ZNF93: variants seen among roughly 807,000 people sequenced by gnomAD.
ZNF93 encodes the protein zinc finger protein 93, also known as zinc finger protein 505.
ZNF93 carries 29 observed loss-of-function variants against 45.0 expected under a neutral mutation model. The ratio of observed to expected loss-of-function variants is 0.64; its 90% CI spans 0.48 to 0.88. The LOEUF is 0.88. Ranked by LOEUF, ZNF93 falls within the 40% of genes least tolerant of loss-of-function variation. The probability of loss-of-function intolerance (pLI) is 0.00; values close to 1 mark genes in which losing one functional copy is unlikely to be tolerated. For synonymous variants in ZNF93, 223 were observed against 244.6 expected (o/e 0.91, Z 0.82); for missense variants, 578 against 724.0 (o/e 0.80, Z 2.31).
intron 1 of ZNF93, among the ~76,000 whole-genome samples, chr19:19,906,069 T>A (rs771997883): frequency 3.9e-5 from 6 of 152,206 alleles, no homozygotes; most frequent in Non-Finnish European, 7.3e-5. Context: ...CTGGGTCAAA[T>A]GATAATTCTG....
In ZNF93 at chr19:19,933,903, A is replaced by G. The variant is rs959717782; in HGVS notation, c.948A>G (p.Glu316=). 1.1e-5 allele frequency: 18 copies of G among 1,613,270 alleles called. No homozygotes were observed. Among genetic ancestry groups the G allele is most frequent in the Non-Finnish European group, 1.4e-5 (17 of 1,179,798 alleles). The change falls in exon 4 of 4, where the codon GAA becomes GAG. Residue 316 remains glutamate (E), a synonymous_variant. Coordinates refer to ENST00000343769, the MANE Select transcript of ZNF93 (RefSeq NM_031218.4). The part of the protein sequence containing the change: ...IHTGEKPYVC[E]ECGKAFKYSR... ...CTGGAGAGAAGCCCTACGTTTGTGA[A>G]GAATGTGGCAAAGCCTTTAAGTACT...
At chr19:19,917,308 A>G (rs1286501238) in intron 3 of ZNF93, among the ~76,000 whole-genome samples, 1 of 150,126 alleles carries the variant, frequency 6.7e-6, no homozygotes, top group African/African-American at 2.5e-5. Context: ...ATTACTTTGG[A>G]TAATATGACA....
chr19:19,926,976 A>G (rs1006534434), intron 3 of ZNF93: 1 of 392,864 alleles, frequency 2.5e-6, no homozygotes, highest in African/African-American at 2.1e-5. Flanking sequence ...TGAAAGAAAC[A>G]CTTTTGTGAT....
chr19:19,924,352 A>G (rs1313239711), intron 3 of ZNF93, among the ~76,000 whole-genome samples: 1 of 151,962 alleles, frequency 6.6e-6, no homozygotes, highest in Non-Finnish European at 1.5e-5. Context: ...CTGCCTCCCA[A>G]AGTGCTGGGA....
chr19:19,934,936 C>A lies in ZNF93; in HGVS notation c.*118C>A. 8.5e-7 allele frequency: 1 copy of A among 1,172,588 alleles called. No homozygotes were observed. The highest frequency in any genetic ancestry group is 1.2e-6 in the Non-Finnish European group (1 of 850,044). The allele number at this position is 1,172,588 out of a possible 1,614,324, so 72.6% of individuals were successfully genotyped here. The stretch of plus-strand genomic sequence containing the variant: ...CTCCCAGGCACAGTCTGGCAGAGGT[C>A]CTGCCATTTCGGAGACCTGGAGGAA... On this transcript the variant is annotated 3_prime_UTR_variant, in exon 4 of 4. Coordinates refer to ENST00000343769, the MANE Select transcript of ZNF93 (RefSeq NM_031218.4).
intron 3 of ZNF93, among the ~76,000 whole-genome samples, chr19:19,923,181 G>A (rs937288899): frequency 6.6e-6 from 1 of 152,202 alleles, no homozygotes; most frequent in Admixed American, 6.5e-5. Context: ...AGGTCCGTTG[G>A]AGTTTGCTGG....
In ZNF93 at chr19:19,933,473, T is replaced by C. The variant is rs932074506; in HGVS notation, c.518T>C (p.Phe173Ser). 2 of 1,604,496 alleles carry C rather than the reference T, an allele frequency of 1.2e-6. No homozygotes were observed. The highest frequency in any genetic ancestry group is 1.7e-6 in the Non-Finnish European group (2 of 1,177,268). Residue 173 changes from phenylalanine to serine, a missense_variant, in exon 4 of 4, where the codon TTC becomes TCC. This residue lies in a region of ZNF93 where 446 missense variants were observed against 547.6 expected (regional missense o/e 0.81). Transcript: ENST00000343769. Reference sequence around the variant, plus strand: ...ATAAGACATACTGAAAAAAAACCTTTCAAATGCATAGAATGTGGCAAAGCT... The same window carrying C: ...ATAAGACATACTGAAAAAAAACCTTCCAAATGCATAGAATGTGGCAAAGCT... Reference protein sequence around the residue: ...HNIRHTEKKPFKCIECGKAFN... With the variant: ...HNIRHTEKKPSKCIECGKAFN...
At chr19:19,913,012 G>T (rs1362394451) in intron 1 of ZNF93, among the ~76,000 whole-genome samples, 1 of 152,178 alleles carries the variant, frequency 6.6e-6, no homozygotes, top group Non-Finnish European at 1.5e-5. Context: ...AAATGGAATG[G>T]GCTGTCCTTA....
chr19:19,921,870 A>G (rs1438953869), intron 3 of ZNF93, among the ~76,000 whole-genome samples: 1 of 152,080 alleles, frequency 6.6e-6, no homozygotes, highest in Non-Finnish European at 1.5e-5. Context: ...TGAATATAGC[A>G]CACTGATGGG....
chr19:19,922,577 A>G (rs1414280849), intron 3 of ZNF93, among the ~76,000 whole-genome samples: 3 of 152,130 alleles, frequency 2.0e-5, no homozygotes, highest in Non-Finnish European at 4.4e-5. Context: ...AGGTACACTA[A>G]TCAGATGTAG....
intron 1 of ZNF93, among the ~76,000 whole-genome samples, chr19:19,910,624 A>G (rs757374096): frequency 3.4e-5 from 5 of 148,842 alleles, no homozygotes; most frequent in Non-Finnish European, 7.4e-5. Context: ...CAAGTAAACT[A>G]TCTACTTATA....
intron 3 of ZNF93, among the ~76,000 whole-genome samples, chr19:19,917,707 G>A (rs1296234081): frequency 6.6e-6 from 1 of 151,938 alleles, no homozygotes; most frequent in Non-Finnish European, 1.5e-5. Flanking sequence ...GTAGAGATGG[G>A]GTTTCACCAT....
At position 19,900,961 on chromosome 19, in the gene ZNF93, C is replaced by T. The variant is rs189598629; in HGVS notation, c.-128C>T. The T allele has an allele frequency of 9.6e-4, 1,431 of 1,483,996 alleles. 16 individuals are homozygous for T. In the Admixed American group the frequency reaches 0.019, roughly 20 times the overall value. The allele number at this position is 1,483,996 out of a possible 1,614,324, so 91.9% of individuals were successfully genotyped here. A position where few individuals can be genotyped will look rare whatever the true frequency, so the allele number is the denominator to read the frequency against. ...CGGGTCCTTTGTCTCTCGGTGCAGCCGGAGCTCCAGGTCTCCTCTTCACTA... is the reference window on the plus strand; with the variant it reads ...CGGGTCCTTTGTCTCTCGGTGCAGCTGGAGCTCCAGGTCTCCTCTTCACTA... On this transcript the variant is annotated 5_prime_UTR_variant, in exon 1 of 4. Coordinates refer to ENST00000343769, the MANE Select transcript of ZNF93 (RefSeq NM_031218.4).
In ZNF93 at chr19:19,916,487, T is replaced by C. The variant is rs1599569007; in HGVS notation, c.131-73T>C. 4.2e-6 allele frequency: 5 copies of C among 1,202,588 alleles called. No individual in the cohort carries two copies. The East Asian group carries it at 1.2e-4, about 29-fold the overall frequency. 74.5% of individuals were successfully genotyped at this position (1,202,588 alleles called of 1,614,324 possible). A position where few individuals can be genotyped will look rare whatever the true frequency, so the allele number is the denominator to read the frequency against. On this transcript the variant is annotated intron_variant, in intron 2 of 3. Transcript: ENST00000343769. ...ACTAGAATATTTTATCACATCGTCT[T>C]TGCTGAGCACATTACTAGCTTGTAA...
intron 2 of ZNF93, among the ~76,000 whole-genome samples, chr19:19,916,204 C>T (rs2063323087): frequency 6.6e-6 from 1 of 151,790 alleles, no homozygotes; most frequent in Admixed American, 6.6e-5. Context: ...GTAGCTGGGA[C>T]TACAGGCATG....
intron 1 of ZNF93, among the ~76,000 whole-genome samples, chr19:19,902,665 T>C (rs2063277370): frequency 6.6e-6 from 1 of 151,320 alleles, no homozygotes; most frequent in African/African-American, 2.4e-5. Context: ...TGAGAGAAGG[T>C]ACAGAGCCCC....
chr19:19,922,087 G>A (rs2063343868), intron 3 of ZNF93, among the ~76,000 whole-genome samples: 1 of 152,182 alleles, frequency 6.6e-6, no homozygotes, highest in Admixed American at 6.5e-5. Flanking sequence ...GGTACCAGTT[G>A]TTCCTTTCCA....
intron 3 of ZNF93, among the ~76,000 whole-genome samples, chr19:19,926,700 TTAAG>T (rs1224990340): frequency 6.6e-6 from 1 of 152,106 alleles, no homozygotes; most frequent in Non-Finnish European, 1.5e-5. Context: ...TTGATTTTAC[TTAAG>T]TATTATAATT....
At chr19:19,925,813 C>G (rs967802970) in intron 3 of ZNF93, among the ~76,000 whole-genome samples, 1 of 151,954 alleles carries the variant, frequency 6.6e-6, no homozygotes, top group Non-Finnish European at 1.5e-5. Flanking sequence ...TATGTATTTT[C>G]TTTATTTAAA....
Sources: gnomAD v4.1 joint callset for allele counts (sites outside exome capture counted in the v4.1 genomes callset) on GRCh38, gnomAD v4.1.1 for gene constraint, gnomAD v4.1.1 regional missense constraint, MANE v1.5 for transcripts, NCBI Gene and HGNC (gene_info 2026-07-23, HGNC 2026-07-21) for gene names.